Variants in LRRC69 observed in about 807,000 individuals in gnomAD.
LRRC69 encodes the protein leucine-rich repeat-containing protein 69.
Under a neutral mutation model 37.8 loss-of-function variants are expected in LRRC69, and 42 were observed. The observed-to-expected ratio is 1.11, with a 90% CI of 0.87 to 1.44. The LOEUF is 1.44. Ranked by LOEUF, LRRC69 falls within the 40% of genes most tolerant of loss-of-function variation. The pLI is 0.00. For missense variants in LRRC69, 357 were observed against 401.9 expected, an observed-to-expected ratio of 0.89 and a Z score of 0.96; for synonymous variants, 141 against 143.1, an observed-to-expected ratio of 0.99 and a Z score of 0.11.
chr8:91,218,990 C>T, exon 8 of LRRC69: 1 of 1,545,812 alleles, frequency 6.5e-7, no homozygotes, highest in Non-Finnish European at 8.8e-7. Context: ...TTTGGAATTG[C>T]TCAGGTGTAG....
intron 7 of LRRC69, among the ~76,000 whole-genome samples, chr8:91,211,842 G>C (rs1360724430): frequency 6.6e-6 from 1 of 151,748 alleles, no homozygotes. Context: ...GGGAGACACT[G>C]GATGATAAAT....
rs1261857884 is a variant in LRRC69, at chr8:91,133,321, A to C, written c.579+16A>C. ...TTTGCCGGAGGTAAGCAAAACATGG[A>C]ACCACAGTAGTTTGCTGTTGGAGAA... On this transcript the variant is annotated intron_variant, in intron 4 of 7. Transcript: ENST00000448384. The C allele has an allele frequency of 2.0e-6, 3 of 1,489,096 alleles. No individual in the cohort carries two copies. Among genetic ancestry groups the C allele is most frequent in the East Asian group, 5.1e-5 (2 of 39,082 alleles). The allele number at this position is 1,489,096 out of a possible 1,614,324, so 92.2% of individuals were successfully genotyped here.
intron 5 of LRRC69, chr8:91,157,596 T>A: frequency 4.5e-6 from 7 of 1,549,568 alleles, no homozygotes; most frequent in Non-Finnish European, 6.2e-6. Flanking sequence ...CTGCACCTGA[T>A]CAGGTGGATA....
At chr8:91,197,313 C>T (rs1414227738) in intron 6 of LRRC69, among the ~76,000 whole-genome samples, 2 of 152,158 alleles carry the variant, frequency 1.3e-5, no homozygotes, top group African/African-American at 4.8e-5. Context: ...GTGCCCTGCC[C>T]CCAGAGGTGG....
At chr8:91,144,076 A>G (rs779314322) in intron 5 of LRRC69, among the ~76,000 whole-genome samples, 1 of 151,996 alleles carries the variant, frequency 6.6e-6, no homozygotes, top group African/African-American at 2.4e-5. Context: ...GAGATAATGT[A>G]TATGAATTCT....
chr8:91,174,212 C>T (rs1015659652), intron 5 of LRRC69, among the ~76,000 whole-genome samples: 1 of 151,980 alleles, frequency 6.6e-6, no homozygotes, highest in African/African-American at 2.4e-5. Flanking sequence ...TAAATCCTTT[C>T]CCCAGCCTGT....
chr8:91,217,623 G>C (rs1054374958), intron 7 of LRRC69, among the ~76,000 whole-genome samples: 5 of 152,090 alleles, frequency 3.3e-5, no homozygotes, highest in African/African-American at 1.2e-4. Flanking sequence ...TATTGAGCCA[G>C]GGAGTGAGAA....
At chr8:91,215,803 G>T (rs2130654352) in intron 7 of LRRC69, among the ~76,000 whole-genome samples, 1 of 152,224 alleles carries the variant, frequency 6.6e-6, no homozygotes, top group African/African-American at 2.4e-5. Flanking sequence ...TGTTAATTGA[G>T]GTTTGTGAAG....
At chr8:91,110,393 C>T (rs1813389038) in intron 1 of LRRC69, among the ~76,000 whole-genome samples, 1 of 152,008 alleles carries the variant, frequency 6.6e-6, no homozygotes, top group Non-Finnish European at 1.5e-5. Flanking sequence ...AATCCAAGCA[C>T]TTTGGGAGGC....
intron 6 of LRRC69, among the ~76,000 whole-genome samples, chr8:91,199,387 C>G (rs891504679): frequency 1.3e-5 from 2 of 152,096 alleles, no homozygotes; most frequent in African/African-American, 4.8e-5. Flanking sequence ...AATCCATGCT[C>G]AGGGCTGTTT....
intron 5 of LRRC69, among the ~76,000 whole-genome samples, chr8:91,149,537 CT>C (rs1377376525): frequency 5.9e-5 from 9 of 151,888 alleles, no homozygotes; most frequent in African/African-American, 1.7e-4. Context: ...CAGCTTTGTT[CT>C]TTTGGTTTTG....
intron 5 of LRRC69, among the ~76,000 whole-genome samples, chr8:91,160,687 C>T (rs1383351894): frequency 6.6e-6 from 1 of 151,180 alleles, no homozygotes; most frequent in Non-Finnish European, 1.5e-5. Flanking sequence ...GAGGCCTCTC[C>T]AGCCATGCCT....
chr8:91,207,266 A>G (rs983692583), intron 7 of LRRC69, among the ~76,000 whole-genome samples: 1 of 152,224 alleles, frequency 6.6e-6, no homozygotes, highest in Non-Finnish European at 1.5e-5. Flanking sequence ...AATGGCAATA[A>G]TAATAATACC....
intron 5 of LRRC69, chr8:91,157,850 G>C: frequency 6.2e-7 from 1 of 1,605,360 alleles, no homozygotes; most frequent in Admixed American, 1.7e-5. Flanking sequence ...TCATTTACAA[G>C]AGCAGAATGT....
chr8:91,112,847 G>A (rs1223204249), intron 1 of LRRC69, among the ~76,000 whole-genome samples: 6 of 151,836 alleles, frequency 4.0e-5, no homozygotes, highest in African/African-American at 7.2e-5. Context: ...ATAAAAAACC[G>A]TTAGAACTAA....
chr8:91,140,183 A>G (rs1292721423), intron 5 of LRRC69, among the ~76,000 whole-genome samples: 1 of 151,934 alleles, frequency 6.6e-6, no homozygotes, highest in Admixed American at 6.6e-5. Context: ...AGAGAAAGCA[A>G]AACTCTGGGG....
intron 7 of LRRC69, among the ~76,000 whole-genome samples, chr8:91,213,388 A>G (rs1009643762): frequency 1.1e-4 from 16 of 152,198 alleles, no homozygotes; most frequent in Admixed American, 5.2e-4. Flanking sequence ...GCAAATCCCA[A>G]TGTATGGTTA....
At chr8:91,135,366 A>G (rs1405037488) in intron 4 of LRRC69, among the ~76,000 whole-genome samples, 2 of 152,064 alleles carry the variant, frequency 1.3e-5, no homozygotes, top group East Asian at 1.9e-4. Context: ...GTACAAAGCA[A>G]TTAAGAAATT....
At chr8:91,121,899 A>G (rs967492304) in intron 1 of LRRC69, among the ~76,000 whole-genome samples, 3 of 152,092 alleles carry the variant, frequency 2.0e-5, no homozygotes, top group Non-Finnish European at 4.4e-5. Context: ...CAAAAAACCC[A>G]CAAAAAAACA....
Sources: allele counts gnomAD v4.1 joint callset (sites outside exome capture counted in the v4.1 genomes callset), GRCh38; gene constraint gnomAD v4.1.1; transcripts MANE v1.5; gene names NCBI Gene and HGNC (gene_info 2026-07-23, HGNC 2026-07-21).